The following METTL3 variants were observed in gnomAD, a reference collection of about 807,000 sequenced individuals.
The protein encoded by METTL3 is N(6)-adenosine-methyltransferase catalytic subunit METTL3.
In METTL3, 42 loss-of-function variants were observed where a neutral mutation model predicts 64.3. The ratio of observed to expected loss-of-function variants is 0.65; its 90% CI spans 0.51 to 0.84. The LOEUF is 0.84. Ranked by LOEUF, METTL3 falls within the 40% of genes least tolerant of loss-of-function variation. The pLI, the probability that METTL3 is intolerant of heterozygous loss-of-function variation, is 0.00. For missense variants in METTL3, 435 were observed against 722.3 expected (o/e 0.60, Z 4.56); for synonymous variants, 256 against 263.6 (o/e 0.97, Z 0.28).
At chr14:21,506,600 T>G (rs1891703673) in intron 1 of METTL3, among the ~76,000 whole-genome samples, 1 of 152,194 alleles carries the variant, frequency 6.6e-6, no homozygotes, top group Non-Finnish European at 1.5e-5. Flanking sequence ...CTCAAAGAGA[T>G]ATTCATACAC....
At chr14:21,504,129 T>A (rs955639112) in intron 1 of METTL3, 5 of 479,250 alleles carry the variant, frequency 1.0e-5, no homozygotes, top group Admixed American at 7.2e-5. Flanking sequence ...TAATTCCCTA[T>A]CCTTGCTGTG....
At chr14:21,504,422 A>G (rs1891647565) in intron 1 of METTL3, 1 of 153,980 alleles carries the variant, frequency 6.5e-6, no homozygotes, top group South Asian at 2.0e-4. Context: ...TCCTGACTAT[A>G]TTATTATCAT....
At position 21,499,620 on chromosome 14, in the gene METTL3, A is replaced by G. The variant is rs1303840192; in HGVS notation, c.1344-20T>C. The stretch of plus-strand genomic sequence containing the variant: ...TCATACCTGTGGGGCATAAAAAAGA[A>G]CTAGAATTTTAGCCAAACTTTTACA... On this transcript the variant is annotated intron_variant, in intron 7 of 10. Transcript: ENST00000298717. The G allele has an allele frequency of 6.2e-7, 1 of 1,610,192 alleles. No homozygotes were observed. Among genetic ancestry groups the G allele is most frequent in the African/African-American group, 1.3e-5 (1 of 74,948 alleles).
chr14:21,504,487 T>C (rs1320628967), intron 1 of METTL3: 1 of 152,348 alleles, frequency 6.6e-6, no homozygotes, highest in Non-Finnish European at 1.5e-5. Flanking sequence ...TTTGAGAAAC[T>C]AAAATTAGGA....
intron 1 of METTL3, 184 bp downstream of exon 1, chr14:21,510,940 G>A: frequency 1.6e-6 from 1 of 636,282 alleles, no homozygotes; most frequent in East Asian, 3.2e-5. Context: ...CCAGCGTGAG[G>A]AGGAACCGCG....
chr14:21,500,575 G>T lies in METTL3; in HGVS notation c.1224C>A (p.Thr408=). ...WDIHMELPYG[T]LTDDEMRRLN... is the part of the protein sequence containing the mutation. ...GCCTGCGCATCTCATCATCTGTCAG[G>T]GTCCCATAGGGCAGTTCCATGTGAA... The change falls in exon 6 of 11, where the codon ACC becomes ACA. Residue 408 remains threonine (T), a synonymous_variant. Coordinates refer to ENST00000298717, the MANE Select transcript of METTL3 (RefSeq NM_019852.5). The T allele has an allele frequency of 1.9e-6, 3 of 1,614,014 alleles. No individual in the cohort carries two copies. The highest frequency in any genetic ancestry group is 2.5e-6 in the Non-Finnish European group (3 of 1,180,010).
At chr14:21,499,886 A>G in intron 6 of METTL3, 84 bp from the exon 7 acceptor site, 1 of 1,317,304 alleles carries the variant, frequency 7.6e-7, no homozygotes, top group Non-Finnish European at 1.1e-6. Context: ...AAACACTATA[A>G]ACACTTTTTC....
At chr14:21,504,144 A>T in intron 1 of METTL3, 1 of 431,706 alleles carries the variant, frequency 2.3e-6, no homozygotes, top group Non-Finnish European at 4.2e-6. Flanking sequence ...GCTGTGATAC[A>T]AAGAAAGTAA....
Position 21,499,080 on chromosome 14 carries a change from G to A in METTL3, c.1576C>T (p.Pro526Ser), listed in dbSNP as rs201920016. 1 of 1,614,170 alleles carries A rather than the reference G, an allele frequency of 6.2e-7. No homozygotes were observed. The part of the protein sequence containing the change: ...EIYGMIERLS[P>S]GTRKIELFGR... ...AATAACTCAATCTTGCGAGTGCCAG[G>A]AGATAGTCTTTCAATCATGCCATAG... The change falls in exon 10 of 11, where the codon CCT becomes TCT. Residue 526 changes from proline (P) to serine (S), a missense_variant. Pro to Ser is a moderately conservative substitution (Grantham distance 74). Around this residue, in one of 9 missense-constraint regions of METTL3, gnomAD observed 38 missense variants for 102.3 expected, o/e 0.37. Coordinates refer to ENST00000298717, the MANE Select transcript of METTL3 (RefSeq NM_019852.5).
chr14:21,507,841 G>C (rs889339081), intron 1 of METTL3: 34 of 152,184 alleles, frequency 2.2e-4, no homozygotes, highest in African/African-American at 8.0e-4. Context: ...AGAAAGAACA[G>C]TGACATTCTG....
chr14:21,502,102 A>C (rs567451076), intron 3 of METTL3, among the ~76,000 whole-genome samples, 199 bp from the exon 4 acceptor site: 1 of 144,684 alleles, frequency 6.9e-6, no homozygotes, highest in African/African-American at 2.6e-5. Context: ...TGTTTCTCCC[A>C]CTGAACTCCC....
chr14:21,511,281 G>A lies in METTL3; in HGVS notation c.-58C>T. ...AGGCGCGGCGGACTAGCACCTCCCAGCACTCGCTCCAGGATATAGCCAATT... is the reference window on the plus strand; with the variant it reads ...AGGCGCGGCGGACTAGCACCTCCCAACACTCGCTCCAGGATATAGCCAATT... On this transcript the variant is annotated 5_prime_UTR_variant, in exon 1 of 11. Coordinates refer to ENST00000298717, the MANE Select transcript of METTL3 (RefSeq NM_019852.5). The A allele has an allele frequency of 1.9e-6, 3 of 1,573,522 alleles. No homozygotes were observed. Among genetic ancestry groups the A allele is most frequent in the East Asian group, 2.4e-5 (1 of 42,182 alleles).
At position 21,500,575 on chromosome 14, in the gene METTL3, G is replaced by C. The variant is rs1310196947; in HGVS notation, c.1224C>G (p.Thr408=). ...GCCTGCGCATCTCATCATCTGTCAG[G>C]GTCCCATAGGGCAGTTCCATGTGAA... is the stretch of plus-strand genomic sequence containing the variant. The part of the protein sequence containing the change: ...WDIHMELPYG[T]LTDDEMRRLN... Residue 408 remains threonine, a synonymous_variant, in exon 6 of 11, where the codon ACC becomes ACG. Transcript: ENST00000298717. 1.9e-6 allele frequency: 3 copies of C among 1,614,014 alleles called. No homozygotes were observed. The highest frequency in any genetic ancestry group is 2.5e-6 in the Non-Finnish European group (3 of 1,180,010).
intron 1 of METTL3, chr14:21,510,472 G>A (rs75312299): frequency 1.3e-5 from 2 of 152,318 alleles, no homozygotes; most frequent in South Asian, 2.1e-4. Context: ...GTAGGGAGTG[G>A]ATAACAGTGA....
chr14:21,499,446 T>G, intron 8 of METTL3, 46 bp downstream of exon 8: 1 of 1,609,242 alleles, frequency 6.2e-7, no homozygotes, highest in Non-Finnish European at 8.5e-7. Flanking sequence ...ATCAAATGAT[T>G]CTTCTTTGTG....
chr14:21,500,566 A>G lies in METTL3; in HGVS notation c.1233T>C (p.Asp411=), dbSNP rs1241798751. ...GTATGTTGAGCCTGCGCATCTCATC[A>G]TCTGTCAGGGTCCCATAGGGCAGTT... ...HMELPYGTLT[D]DEMRRLNIPV... is the part of the protein sequence containing the mutation. Residue 411 remains aspartate (D), a synonymous_variant, in exon 6 of 11, where the codon GAT becomes GAC. Transcript: ENST00000298717. The G allele has an allele frequency of 6.2e-7, 1 of 1,614,124 alleles. No homozygotes were observed. Among genetic ancestry groups the G allele is most frequent in the Non-Finnish European group, 8.5e-7 (1 of 1,180,014 alleles).
intron 1 of METTL3, chr14:21,507,685 T>C (rs922922838): frequency 6.6e-6 from 1 of 152,134 alleles, no homozygotes; most frequent in African/African-American, 2.4e-5. Flanking sequence ...GAGAAACGAA[T>C]GGAATAATCT....
intron 3 of METTL3, 105 bp from the exon 4 acceptor site, chr14:21,502,008 T>A: frequency 1.6e-4 from 119 of 732,474 alleles, no homozygotes; most frequent in Middle Eastern, 3.5e-4. Flanking sequence ...AAGAGATAAA[T>A]CAACTTTTTT....
chr14:21,511,092 T>G (rs749526453), intron 1 of METTL3, 32 bp downstream of exon 1: 18 of 1,609,214 alleles, frequency 1.1e-5, no homozygotes, highest in Middle Eastern at 1.7e-4. Flanking sequence ...CCTCCCCGGT[T>G]GAGCCTCGGC....
Sources: gnomAD v4.1 joint callset for allele counts (sites outside exome capture counted in the v4.1 genomes callset) on GRCh38, gnomAD v4.1.1 for gene constraint, gnomAD v4.1.1 regional missense constraint, MANE v1.5 for transcripts, NCBI Gene and HGNC (gene_info 2026-07-23, HGNC 2026-07-21) for gene names.